SLC25A26: variants seen among roughly 807,000 people sequenced by gnomAD.
SLC25A26 encodes the protein solute carrier family 25 member 26, also known as mitochondrial S-adenosylmethionine carrier protein.
In SLC25A26, 36 loss-of-function variants were observed where a neutral mutation model predicts 37.8. The ratio of observed to expected loss-of-function variants is 0.95; its 90% CI spans 0.73 to 1.26. The LOEUF is 1.26. SLC25A26 is among the 50% of genes most tolerant of loss of function. The probability of loss-of-function intolerance (pLI) is 0.00; values close to 1 mark genes in which losing one functional copy is unlikely to be tolerated. For missense variants in SLC25A26, 390 were observed against 331.1 expected, an observed-to-expected ratio of 1.18 and a Z score of -1.38; for synonymous variants, 129 against 122.5, an observed-to-expected ratio of 1.05 and a Z score of -0.35.
At chr3:66,145,316 A>G (rs536314854) in intron 1 of SLC25A26, among the ~76,000 whole-genome samples, 1 of 152,356 alleles carries the variant, frequency 6.6e-6, no homozygotes, top group African/African-American at 2.4e-5. Flanking sequence ...ACACTTTGTT[A>G]TCCTAGATCA....
chr3:66,283,420 A>T (rs546975942), intron 5 of SLC25A26, among the ~76,000 whole-genome samples: 26 of 152,186 alleles, frequency 1.7e-4, no homozygotes, highest in African/African-American at 6.3e-4. Flanking sequence ...AGCTGGGACT[A>T]TAGACATGTA....
intron 1 of SLC25A26, among the ~76,000 whole-genome samples, chr3:66,174,864 G>A (rs2070554918): frequency 1.3e-5 from 2 of 151,196 alleles, no homozygotes; most frequent in African/African-American, 4.9e-5. Context: ...TGCAGAGGAT[G>A]CCACTTGAAG....
intron 5 of SLC25A26, among the ~76,000 whole-genome samples, chr3:66,297,358 G>A (rs910070303): frequency 9.3e-5 from 14 of 150,322 alleles, no homozygotes; most frequent in Admixed American, 7.3e-4. Flanking sequence ...AGAATGTCTG[G>A]CATTAATTCT....
chr3:66,319,304 G>A (rs2075628267), intron 5 of SLC25A26, among the ~76,000 whole-genome samples: 1 of 152,022 alleles, frequency 6.6e-6, no homozygotes, highest in Non-Finnish European at 1.5e-5. Context: ...GGGAGTGCCA[G>A]AGACAAGTAA....
At position 66,263,709 on chromosome 3, in the gene SLC25A26, C is replaced by T. The variant is rs540414184; in HGVS notation, c.453+330C>T. On this transcript the variant is annotated intron_variant, in intron 5 of 9. Transcript: ENST00000354883. The stretch of plus-strand genomic sequence containing the variant: ...AGTCTCGCTCTGTCACCCAGGCTGG[C>T]GTGCAGTGGCGCGATCTCGGCTCAC... Among the ~76,000 whole-genome samples the T allele has an allele frequency of 8.5e-5, 13 of 152,088 alleles. No individual in the cohort carries two copies. The East Asian group carries it at 1.6e-3, about 18-fold the overall frequency.
chr3:66,221,401 A>G (rs898464665), intron 1 of SLC25A26, among the ~76,000 whole-genome samples: 6 of 152,186 alleles, frequency 3.9e-5, no homozygotes, highest in Non-Finnish European at 7.3e-5. Context: ...AAGAGCTTCT[A>G]TTATACACTG....
At chr3:66,327,379 T>G (rs1309433031) in intron 5 of SLC25A26, among the ~76,000 whole-genome samples, 1 of 152,204 alleles carries the variant, frequency 6.6e-6, no homozygotes, top group Non-Finnish European at 1.5e-5. Context: ...ACAAGGCACT[T>G]TGTCTGTATT....
intron 5 of SLC25A26, among the ~76,000 whole-genome samples, chr3:66,322,987 G>A (rs186797460): frequency 6.8e-6 from 1 of 146,522 alleles, no homozygotes; most frequent in Non-Finnish European, 1.6e-5. Context: ...TAAATTTCAA[G>A]ATAAGTAAGG....
At chr3:66,276,613 T>C (rs541301627) in intron 5 of SLC25A26, among the ~76,000 whole-genome samples, 1 of 132,030 alleles carries the variant, frequency 7.6e-6, no homozygotes, top group Non-Finnish European at 1.5e-5. Flanking sequence ...TAAAAATGTT[T>C]TGACTGATTG....
intron 1 of SLC25A26, among the ~76,000 whole-genome samples, chr3:66,168,474 C>A (rs2070455636): frequency 6.6e-6 from 1 of 151,824 alleles, no homozygotes; most frequent in Non-Finnish European, 1.5e-5. Flanking sequence ...TTTTTTGGTT[C>A]TTTAGAAAGT....
chr3:66,293,632 C>T (rs1335431261), intron 5 of SLC25A26, among the ~76,000 whole-genome samples: 1 of 151,906 alleles, frequency 6.6e-6, no homozygotes, highest in Non-Finnish European at 1.5e-5. Flanking sequence ...TAAATGAGAA[C>T]ATGTGGTATT....
chr3:66,279,042 C>G (rs1438291215), intron 5 of SLC25A26, among the ~76,000 whole-genome samples: 1 of 152,134 alleles, frequency 6.6e-6, no homozygotes, highest in South Asian at 2.1e-4. Context: ...GTTTCAGCAT[C>G]AGAATCAAAT....
intron 1 of SLC25A26, among the ~76,000 whole-genome samples, chr3:66,160,235 C>T (rs990213862): frequency 6.6e-6 from 1 of 152,144 alleles, no homozygotes; most frequent in African/African-American, 2.4e-5. Flanking sequence ...GGTGATCTGC[C>T]TGCCTCAGCA....
intron 3 of SLC25A26, 144 bp from the exon 4 acceptor site, chr3:66,261,907 G>A (rs2073542567): frequency 1.7e-6 from 1 of 590,006 alleles, no homozygotes; most frequent in South Asian, 2.0e-5. Flanking sequence ...AGAGTTTTAG[G>A]TTAAAAAAAA....
intron 1 of SLC25A26, among the ~76,000 whole-genome samples, chr3:66,164,649 G>A (rs980914126): frequency 2.0e-5 from 3 of 152,084 alleles, no homozygotes; most frequent in East Asian, 3.8e-4. Flanking sequence ...AATATTTTAG[G>A]CCTTGTATGT....
At chr3:66,354,118 T>G (rs554777832) in intron 6 of SLC25A26, among the ~76,000 whole-genome samples, 1 of 152,308 alleles carries the variant, frequency 6.6e-6, no homozygotes, top group African/African-American at 2.4e-5. Flanking sequence ...AAAGTAAGCA[T>G]ATTATGAAAG....
At chr3:66,310,363 T>A (rs2075342886) in intron 5 of SLC25A26, among the ~76,000 whole-genome samples, 1 of 152,220 alleles carries the variant, frequency 6.6e-6, no homozygotes, top group Admixed American at 6.5e-5. Flanking sequence ...TAAATATTCC[T>A]CCATCCCTTT....
intron 1 of SLC25A26, among the ~76,000 whole-genome samples, chr3:66,186,363 C>T (rs2070827390): frequency 6.6e-6 from 1 of 151,952 alleles, no homozygotes; most frequent in Non-Finnish European, 1.5e-5. Flanking sequence ...ATTATCTTCC[C>T]TTTCTCCATT....
intron 1 of SLC25A26, among the ~76,000 whole-genome samples, chr3:66,195,731 A>C (rs1314664500): frequency 6.6e-6 from 1 of 152,246 alleles, no homozygotes; most frequent in Non-Finnish European, 1.5e-5. Flanking sequence ...TTAGGTCAAC[A>C]CTATCCAAAG....
Sources: gnomAD v4.1 joint callset for allele counts (sites outside exome capture counted in the v4.1 genomes callset) on GRCh38, gnomAD v4.1.1 for gene constraint, MANE v1.5 for transcripts, NCBI Gene and HGNC (gene_info 2026-07-23, HGNC 2026-07-21) for gene names.